DMD: variants seen among roughly 807,000 people sequenced by gnomAD.
DMD encodes the protein dystrophin.
A neutral mutation model predicts 330.1 loss-of-function variants in DMD; 63 were observed. The observed-to-expected ratio is 0.19, with a 90% CI of 0.16 to 0.24. The LOEUF is 0.24. Ranked by LOEUF, DMD falls within the 10% of genes least tolerant of loss-of-function variation. The probability of loss-of-function intolerance (pLI) is 1.00; values close to 1 mark genes in which losing one functional copy is unlikely to be tolerated. For synonymous variants in DMD, 1,223 were observed against 959.8 expected (o/e 1.27, Z -5.07); for missense variants, 3,344 against 2,684.1 (o/e 1.25, Z -5.43).
chrX:31,336,393 T>C (rs2057405144), intron 61 of DMD, among the ~76,000 whole-genome samples: 1 of 112,172 alleles, frequency 8.9e-6, no homozygotes, highest in African/African-American at 3.2e-5. Context: ...CCAATAATTT[T>C]TGCCCACAGA....
chrX:31,179,003 C>T (rs994142453), intron 69 of DMD, among the ~76,000 whole-genome samples, 198 bp from the exon 70 acceptor site: 1 of 111,704 alleles, frequency 9.0e-6, no homozygotes, highest in African/African-American at 3.3e-5. Flanking sequence ...TTATTTACTT[C>T]TCAGAGGCTC....
At chrX:31,587,118 C>T (rs911638954) in intron 55 of DMD, among the ~76,000 whole-genome samples, 14 of 111,307 alleles carry the variant, frequency 1.3e-4, no homozygotes, top group Admixed American at 6.7e-4. Context: ...GTAACAACAA[C>T]GTAGGAATAA....
intron 1 of DMD, among the ~76,000 whole-genome samples, chrX:33,080,791 C>T (rs774254499): frequency 1.8e-5 from 2 of 111,577 alleles, no homozygotes; most frequent in African/African-American, 6.5e-5. Flanking sequence ...TTAATTTAGA[C>T]CAAATGTCTA....
At chrX:32,866,735 GGGGGGGT>G (rs1410856905) in intron 2 of DMD, among the ~76,000 whole-genome samples, 5 of 28,703 alleles carry the variant, frequency 1.7e-4, no homozygotes, top group African/African-American at 5.0e-4. Context: ...GGGGGGGGGT[GGGGGGGT>G]GGGGGGGGGG....
intron 55 of DMD, 108 bp downstream of exon 55, chrX:31,627,565 T>C (rs1381360533): frequency 1.1e-5 from 9 of 847,800 alleles, no homozygotes; most frequent in Middle Eastern, 4.0e-4. Context: ...TCAGGCTGTA[T>C]AAAAGCAACT....
At chrX:32,243,219 TA>T (rs1222395247) in intron 43 of DMD, among the ~76,000 whole-genome samples, 4 of 110,294 alleles carry the variant, frequency 3.6e-5, no homozygotes, top group South Asian at 7.6e-4. Context: ...AGCGTAATAA[TA>T]AAAATAACTT....
Position 31,497,204 on chromosome X carries a change from T to C in DMD, c.8391-260A>G, listed in dbSNP as rs147769119. Among the ~76,000 whole-genome samples, 1,121 of 112,243 alleles carry C rather than the reference T, an allele frequency of 1.0e-2. 14 individuals are homozygous for C. The highest frequency in any genetic ancestry group is 0.034 in the African/African-American group (1,055 of 30,874). On this transcript the variant is annotated intron_variant, in intron 56 of 78. Transcript: ENST00000357033. ...GGCATGAAATACACACTGGAATCTATTGCTTTTCCATACTGTTGTAGTCAA... is the reference window on the plus strand; with the variant it reads ...GGCATGAAATACACACTGGAATCTACTGCTTTTCCATACTGTTGTAGTCAA...
At chrX:33,005,500 G>A (rs1053280973) in intron 2 of DMD, among the ~76,000 whole-genome samples, 1 of 107,972 alleles carries the variant, frequency 9.3e-6, no homozygotes, top group Admixed American at 1.0e-4. Flanking sequence ...AGAACAAATG[G>A]GAAGAAGACA....
intron 1 of DMD, among the ~76,000 whole-genome samples, chrX:33,059,118 C>T (rs1198628654): frequency 9.0e-6 from 1 of 111,226 alleles, no homozygotes; most frequent in East Asian, 2.8e-4. Context: ...AGTGCTTGTT[C>T]GGTCCTAATT....
At chrX:32,899,463 CAAGAG>C (rs2086029974) in intron 2 of DMD, among the ~76,000 whole-genome samples, 1 of 109,778 alleles carries the variant, frequency 9.1e-6, no homozygotes, top group Non-Finnish European at 1.9e-5. Context: ...ATCACGAGAT[CAAGAG>C]ATCGAGACCA....
chrX:32,582,326 G>GA (rs1484728990), intron 13 of DMD, among the ~76,000 whole-genome samples: 9 of 110,158 alleles, frequency 8.2e-5, no homozygotes, highest in African/African-American at 2.3e-4. Context: ...ACAAGACCAA[G>GA]AAAAAAAATC....
At chrX:32,483,146 C>T (rs868282899) in intron 21 of DMD, among the ~76,000 whole-genome samples, 12 of 39,254 alleles carry the variant, frequency 3.1e-4, no homozygotes, top group East Asian at 1.1e-3. Flanking sequence ...TTTTTCATTC[C>T]ATATATATAT....
chrX:33,129,273 T>C (rs1048701528), intron 1 of DMD, among the ~76,000 whole-genome samples: 3 of 104,335 alleles, frequency 2.9e-5, no homozygotes, highest in Admixed American at 1.1e-4. Flanking sequence ...AGTAAGTTGT[T>C]AAAATGATTG....
chrX:32,001,774 T>C (rs2095628599), intron 44 of DMD, among the ~76,000 whole-genome samples: 1 of 111,682 alleles, frequency 9.0e-6, no homozygotes, highest in Admixed American at 9.5e-5. Flanking sequence ...ACTAATATTA[T>C]ATGAATCTAA....
chrX:31,874,804 TC>T (rs1201598142), intron 48 of DMD, among the ~76,000 whole-genome samples: 1 of 110,816 alleles, frequency 9.0e-6, no homozygotes, highest in Non-Finnish European at 1.9e-5. Flanking sequence ...TCTCCACCAT[TC>T]CCCAAGGGTT....
At chrX:32,880,676 G>A (rs1362356258) in intron 2 of DMD, among the ~76,000 whole-genome samples, 1 of 112,880 alleles carries the variant, frequency 8.9e-6, no homozygotes. Flanking sequence ...TAGGCGCAGT[G>A]GCTCACGCCT....
At chrX:32,005,434 T>G (rs1285718939) in intron 44 of DMD, among the ~76,000 whole-genome samples, 1 of 111,198 alleles carries the variant, frequency 9.0e-6, no homozygotes, top group East Asian at 2.8e-4. Context: ...TCTCTGATCT[T>G]GATGAATTCT....
chrX:31,301,453 A>G (rs1364729977), intron 62 of DMD, among the ~76,000 whole-genome samples: 1 of 111,852 alleles, frequency 8.9e-6, no homozygotes, highest in African/African-American at 3.3e-5. Context: ...AAGCAAGCAC[A>G]TCTTCACACA....
chrX:31,580,191 G>A (rs1020889587), intron 55 of DMD, among the ~76,000 whole-genome samples: 5 of 112,145 alleles, frequency 4.5e-5, no homozygotes, highest in Admixed American at 3.8e-4. Flanking sequence ...ATATTCACAG[G>A]TTCTGGGGAT....
Sources: gnomAD v4.1 joint callset for allele counts (sites outside exome capture counted in the v4.1 genomes callset) on GRCh38, gnomAD v4.1.1 for gene constraint, MANE v1.5 for transcripts, NCBI Gene and HGNC (gene_info 2026-07-23, HGNC 2026-07-21) for gene names.